The following FRMD4A variants were observed in gnomAD, a reference collection of about 807,000 sequenced individuals.
FRMD4A encodes the protein FERM domain containing 4A.
In FRMD4A, 29 loss-of-function variants were observed where a neutral mutation model predicts 129.1. The ratio of observed to expected loss-of-function variants is 0.22; its 90% CI spans 0.17 to 0.31. The LOEUF (loss-of-function observed/expected upper bound fraction) is 0.31, where lower values mean the gene tolerates loss of function less well. Among genes scored for constraint, FRMD4A ranks in the 10% least tolerant of loss-of-function variants. The pLI is 1.00. For synonymous variants in FRMD4A, 634 were observed against 571.6 expected (o/e 1.11, Z -1.56); for missense variants, 1,272 against 1,375.8 (o/e 0.92, Z 1.19).
intron 2 of FRMD4A, among the ~76,000 whole-genome samples, chr10:14,257,733 C>A (rs1375021675): frequency 6.6e-6 from 1 of 152,188 alleles, no homozygotes; most frequent in Non-Finnish European, 1.5e-5. Flanking sequence ...GATGTGCCTG[C>A]AAGCCAAAGC....
chr10:14,008,352 GAAGAAAGAAAACCAGCCC>G, intron 2 of FRMD4A: 2 of 1,028,192 alleles, frequency 1.9e-6, no homozygotes, highest in Non-Finnish European at 2.3e-6. Flanking sequence ...GGGGGGATGG[GAAGAAAGAAAACCAGCCC>G]AAGTTCTGCA....
rs183446892 is a variant in FRMD4A, at chr10:13,943,848, G to A, written c.46-84936C>T. Among the ~76,000 whole-genome samples the A allele has an allele frequency of 1.3e-3, 188 of 148,692 alleles. 1 individual carries two copies. The highest frequency in any genetic ancestry group is 4.1e-3 in the African/African-American group (166 of 40,196). ...GTATGGAAATAGGTTGGTGTGGATC[G>A]GATAAATTGCTGTGGAAAGTCTGAC... is the stretch of plus-strand genomic sequence containing the variant. On this transcript the variant is annotated intron_variant, in intron 2 of 24. Coordinates refer to ENST00000357447, the MANE Select transcript of FRMD4A (RefSeq NM_018027.5).
At chr10:14,072,899 T>C (rs1835382091) in intron 2 of FRMD4A, among the ~76,000 whole-genome samples, 1 of 152,150 alleles carries the variant, frequency 6.6e-6, no homozygotes, top group Non-Finnish European at 1.5e-5. Context: ...TTCCCAGATA[T>C]AAAGTTTGTT....
chr10:14,294,724 C>T lies in FRMD4A; in HGVS notation c.45+35334G>A, dbSNP rs77325438. Among the ~76,000 whole-genome samples, 1,342 of 152,296 alleles carry T rather than the reference C, an allele frequency of 8.8e-3. 23 individuals are homozygous for T. Among genetic ancestry groups the T allele is most frequent in the African/African-American group, 0.031 (1,284 of 41,552 alleles). On this transcript the variant is annotated intron_variant, in intron 2 of 24. Coordinates refer to ENST00000357447, the MANE Select transcript of FRMD4A (RefSeq NM_018027.5). ...TAGAAAGGTCACTAAAGCCTAAATCCGCTCAGCAAGATTCGCTACCACGAT... is the reference window on the plus strand; with the variant it reads ...TAGAAAGGTCACTAAAGCCTAAATCTGCTCAGCAAGATTCGCTACCACGAT...
intron 2 of FRMD4A, among the ~76,000 whole-genome samples, chr10:14,138,564 G>A (rs1268620121): frequency 6.6e-6 from 1 of 152,020 alleles, no homozygotes; most frequent in Admixed American, 6.6e-5. Context: ...ATTGAGACCA[G>A]CCTGGCCAAC....
chr10:13,995,534 G>A (rs1197375417), intron 2 of FRMD4A, among the ~76,000 whole-genome samples: 5 of 152,190 alleles, frequency 3.3e-5, no homozygotes, highest in African/African-American at 1.2e-4. Flanking sequence ...GCAGTGAGCT[G>A]AGATTGTGCC....
chr10:13,781,222 T>C (rs1356765981), intron 6 of FRMD4A, among the ~76,000 whole-genome samples: 1 of 145,168 alleles, frequency 6.9e-6, no homozygotes, highest in Non-Finnish European at 1.5e-5. Flanking sequence ...GAGGATCACT[T>C]GAACCCAGAA....
At chr10:13,707,401 T>C in intron 12 of FRMD4A, 2 of 1,105,808 alleles carry the variant, frequency 1.8e-6, no homozygotes, top group Non-Finnish European at 2.2e-6. Flanking sequence ...TTTGTTGGTT[T>C]GGTCGTGGCA....
intron 2 of FRMD4A, chr10:13,972,006 A>G (rs1288161414): frequency 2.5e-6 from 3 of 1,178,660 alleles, no homozygotes; most frequent in Non-Finnish European, 3.2e-6. Flanking sequence ...GCTTTCCTTC[A>G]AGGATAAGCA....
chr10:13,646,609 C>G lies in FRMD4A; in HGVS notation c.*429G>C, dbSNP rs2081131489. On this transcript the variant is annotated 3_prime_UTR_variant, in exon 25 of 25. Coordinates refer to ENST00000357447, the MANE Select transcript of FRMD4A (RefSeq NM_018027.5). ...CCCGTTCTCTCCCAACGCTACTTAT[C>G]CGCAGGAATTGGATGCCGGCTGGCC... 1 of 152,444 alleles carries G rather than the reference C, an allele frequency of 6.6e-6. No individual in the cohort carries two copies. Among genetic ancestry groups the G allele is most frequent in the Non-Finnish European group, 1.5e-5 (1 of 68,122 alleles). The allele number at this position is 152,444 out of a possible 1,614,324, so 9.4% of individuals were successfully genotyped here. A position where few individuals can be genotyped will look rare whatever the true frequency, so the allele number is the denominator to read the frequency against.
In FRMD4A at chr10:14,037,345, G is replaced by C. The variant is rs927224411; in HGVS notation, c.46-178433C>G. ...CGATTCTCCTGCCTCAGCCTCCTGA[G>C]CAGCTGGGATTACAGATGGGCACCA... On this transcript the variant is annotated intron_variant, in intron 2 of 24. Coordinates refer to ENST00000357447, the MANE Select transcript of FRMD4A (RefSeq NM_018027.5). Among the ~76,000 whole-genome samples, 4 of 152,176 alleles carry C rather than the reference G, an allele frequency of 2.6e-5. No homozygotes were observed. In the East Asian group the frequency reaches 7.7e-4, roughly 29 times the overall value.
At chr10:14,011,411 G>T (rs2095681919) in intron 2 of FRMD4A, among the ~76,000 whole-genome samples, 1 of 152,120 alleles carries the variant, frequency 6.6e-6, no homozygotes, top group South Asian at 2.1e-4. Flanking sequence ...CAGGGGCCAG[G>T]TCACCTAGTG....
At chr10:13,961,593 C>A (rs2095445844) in intron 2 of FRMD4A, among the ~76,000 whole-genome samples, 1 of 152,208 alleles carries the variant, frequency 6.6e-6, no homozygotes. Flanking sequence ...CCATTCACCT[C>A]CCACCACCTC....
At chr10:13,808,523 C>G (rs945242980) in intron 4 of FRMD4A, among the ~76,000 whole-genome samples, 2 of 152,200 alleles carry the variant, frequency 1.3e-5, no homozygotes, top group African/African-American at 4.8e-5. Context: ...TTCTTCTTTC[C>G]TACCAGGAAA....
chr10:14,066,506 GTA>G (rs935794812), intron 2 of FRMD4A, among the ~76,000 whole-genome samples: 6 of 152,212 alleles, frequency 3.9e-5, no homozygotes, highest in South Asian at 4.2e-4. Context: ...GTGTGAAGTT[GTA>G]TGTGTGTGTG....
chr10:14,274,417 C>G (rs1845268380), intron 2 of FRMD4A, among the ~76,000 whole-genome samples: 1 of 152,150 alleles, frequency 6.6e-6, no homozygotes, highest in Admixed American at 6.5e-5. Context: ...ATCCAGAGCC[C>G]ACACTCTTAT....
At chr10:14,038,846 C>T (rs556671846) in intron 2 of FRMD4A, among the ~76,000 whole-genome samples, 10 of 152,298 alleles carry the variant, frequency 6.6e-5, no homozygotes, top group African/African-American at 2.4e-4. Context: ...CTGATTGGCG[C>T]CTCTGTTACT....
chr10:13,784,990 CAAAA>C (rs35375065), intron 5 of FRMD4A, among the ~76,000 whole-genome samples: 5 of 98,428 alleles, frequency 5.1e-5, no homozygotes, highest in African/African-American at 1.9e-4. Flanking sequence ...GACTCTATCT[CAAAA>C]AAAAAAAAAA....
At chr10:14,054,519 C>T (rs1256028316) in intron 2 of FRMD4A, among the ~76,000 whole-genome samples, 2 of 152,152 alleles carry the variant, frequency 1.3e-5, no homozygotes, top group Non-Finnish European at 2.9e-5. Flanking sequence ...CAAAATTTCT[C>T]TACGAGTGTG....
Sources: gnomAD v4.1 joint callset for allele counts (sites outside exome capture counted in the v4.1 genomes callset) on GRCh38, gnomAD v4.1.1 for gene constraint, MANE v1.5 for transcripts, NCBI Gene and HGNC (gene_info 2026-07-23, HGNC 2026-07-21) for gene names.